THSD7A: variants seen among roughly 807,000 people sequenced by gnomAD.
The protein encoded by THSD7A is thrombospondin type 1 domain containing 7A.
A neutral mutation model predicts 231.3 loss-of-function variants in THSD7A; 96 were observed. That is an observed-to-expected ratio of 0.41 (90% CI 0.35 to 0.49). THSD7A has a LOEUF of 0.49. Among genes scored for constraint, THSD7A ranks in the 20% least tolerant of loss-of-function variants. THSD7A has a pLI of 0.05. For synonymous variants in THSD7A, 940 were observed against 743.3 expected (o/e 1.26, Z -4.30); for missense variants, 2,290 against 2,070.2 (o/e 1.11, Z -2.06).
intron 13 of THSD7A, among the ~76,000 whole-genome samples, chr7:11,436,080 C>T (rs1229751990): frequency 1.3e-5 from 2 of 152,046 alleles, no homozygotes; most frequent in South Asian, 4.1e-4. Context: ...CATACTAAGG[C>T]ATTTATTGAC....
In THSD7A at chr7:11,708,587, A is replaced by G. The variant is rs1311038331; in HGVS notation, c.191-71626T>C. On this transcript the variant is annotated intron_variant, in intron 1 of 27. Coordinates refer to ENST00000423059, the MANE Select transcript of THSD7A (RefSeq NM_015204.3). Reference sequence around the variant, plus strand: ...GGAATTAGGTTTTCTCTGCTGTAACATGTAAATTTTTGAGTAGATTATCTT... The same window carrying G: ...GGAATTAGGTTTTCTCTGCTGTAACGTGTAAATTTTTGAGTAGATTATCTT... 2.7e-5 allele frequency among the ~76,000 whole-genome samples: 4 copies of G among 150,892 alleles called. No individual in the cohort carries two copies. In the South Asian group the frequency reaches 6.2e-4, roughly 23 times the overall value.
intron 9 of THSD7A, among the ~76,000 whole-genome samples, chr7:11,465,105 C>T (rs1785647466): frequency 6.6e-6 from 1 of 152,102 alleles, no homozygotes; most frequent in Non-Finnish European, 1.5e-5. Context: ...TGTTTCTATT[C>T]ATCTGTGTGT....
rs145505165 is a variant in THSD7A, at chr7:11,654,769, G to A, written c.191-17808C>T. 1.6e-3 allele frequency among the ~76,000 whole-genome samples: 240 copies of A among 151,822 alleles called. 1 individual carries two copies. Among genetic ancestry groups the A allele is most frequent in the Non-Finnish European group, 2.0e-3 (139 of 67,872 alleles). On this transcript the variant is annotated intron_variant, in intron 1 of 27. Coordinates refer to ENST00000423059, the MANE Select transcript of THSD7A (RefSeq NM_015204.3). ...TGCAGATGAATAATACATGTCTTTC[G>A]CTTGATTGAAAAATCACAGTAAGGA...
intron 1 of THSD7A, among the ~76,000 whole-genome samples, chr7:11,651,883 A>T (rs1364106349): frequency 6.6e-6 from 1 of 152,022 alleles, no homozygotes; most frequent in African/African-American, 2.4e-5. Flanking sequence ...TGATGACATT[A>T]TATTATCAAT....
chr7:11,639,663 G>A (rs1000135968), intron 1 of THSD7A, among the ~76,000 whole-genome samples: 15 of 147,052 alleles, frequency 1.0e-4, no homozygotes, highest in Non-Finnish European at 1.7e-4. Context: ...TTGAGACTCC[G>A]TCTCAAAAAA....
chr7:11,626,759 A>G (rs890477631), intron 2 of THSD7A, among the ~76,000 whole-genome samples: 1 of 152,146 alleles, frequency 6.6e-6, no homozygotes, highest in Non-Finnish European at 1.5e-5. Context: ...TACATTTATG[A>G]TATTAATAAT....
chr7:11,385,197 C>T (rs879787958), intron 23 of THSD7A: 4 of 150,228 alleles, frequency 2.7e-5, no homozygotes, highest in Non-Finnish European at 3.0e-5. Context: ...TCCAAACAGT[C>T]GTCTATAAAT....
chr7:11,778,360 C>T (rs773604331), intron 1 of THSD7A, among the ~76,000 whole-genome samples: 2 of 152,036 alleles, frequency 1.3e-5, no homozygotes, highest in South Asian at 2.1e-4. Context: ...AATTGTTTCT[C>T]GCCATATAAA....
At chr7:11,825,683 A>C (rs748174232) in intron 1 of THSD7A, among the ~76,000 whole-genome samples, 12 of 152,280 alleles carry the variant, frequency 7.9e-5, no homozygotes, top group Non-Finnish European at 1.6e-4. Flanking sequence ...ACCCCTATAG[A>C]ATGCATCCCA....
chr7:11,694,689 C>G (rs990794011), intron 1 of THSD7A, among the ~76,000 whole-genome samples: 2 of 151,488 alleles, frequency 1.3e-5, no homozygotes, highest in East Asian at 3.9e-4. Flanking sequence ...TTCTGGTTCA[C>G]CTCTTGGATG....
intron 1 of THSD7A, among the ~76,000 whole-genome samples, chr7:11,817,124 T>C (rs1784726437): frequency 6.6e-6 from 1 of 152,220 alleles, no homozygotes; most frequent in South Asian, 2.1e-4. Context: ...GAACCACGTA[T>C]ATTGACATGT....
chr7:11,545,532 G>A (rs1789343211), intron 4 of THSD7A, among the ~76,000 whole-genome samples: 1 of 152,134 alleles, frequency 6.6e-6, no homozygotes, highest in Non-Finnish European at 1.5e-5. Context: ...CATTGAAGGT[G>A]GACAGAGGGA....
At chr7:11,752,648 G>T (rs1400446927) in intron 1 of THSD7A, among the ~76,000 whole-genome samples, 2 of 151,954 alleles carry the variant, frequency 1.3e-5, no homozygotes, top group Admixed American at 6.6e-5. Flanking sequence ...CATCTCAGTG[G>T]CTCACACCTT....
chr7:11,522,107 C>T (rs1417396122), intron 6 of THSD7A, among the ~76,000 whole-genome samples: 1 of 152,066 alleles, frequency 6.6e-6, no homozygotes, highest in East Asian at 1.9e-4. Flanking sequence ...ATTTTGATAG[C>T]ATCATTCATG....
chr7:11,719,907 C>G (rs1781286987), intron 1 of THSD7A, among the ~76,000 whole-genome samples: 1 of 151,694 alleles, frequency 6.6e-6, no homozygotes, highest in Admixed American at 6.6e-5. Flanking sequence ...AAAGGATGAA[C>G]CGTTCTACTT....
chr7:11,372,773 A>C lies in THSD7A; in HGVS notation c.*3021T>G, dbSNP rs1307184542. On this transcript the variant is annotated 3_prime_UTR_variant, in exon 28 of 28. Coordinates refer to ENST00000423059, the MANE Select transcript of THSD7A (RefSeq NM_015204.3). The stretch of plus-strand genomic sequence containing the variant: ...AAGTTACTACTATATTCCCCTCCCA[A>C]ATTTTTAGAAGGAACAGTAAAAATA... 1 of 152,012 alleles carries C rather than the reference A, an allele frequency of 6.6e-6. No individual in the cohort carries two copies. The highest frequency in any genetic ancestry group is 2.4e-5 in the African/African-American group (1 of 41,418). 9.4% of individuals were successfully genotyped at this position (152,012 alleles called of 1,614,324 possible).
chr7:11,389,184 A>G (rs1349613097), intron 23 of THSD7A, among the ~76,000 whole-genome samples: 1 of 151,988 alleles, frequency 6.6e-6, no homozygotes, highest in Non-Finnish European at 1.5e-5. Flanking sequence ...TGTCATGTTG[A>G]TCAGTCTATT....
At chr7:11,549,637 T>C (rs1194042000) in intron 4 of THSD7A, among the ~76,000 whole-genome samples, 6 of 152,086 alleles carry the variant, frequency 3.9e-5, no homozygotes, top group African/African-American at 1.4e-4. Context: ...GGGACATGGA[T>C]GGAGCTGGAA....
chr7:11,738,208 A>G (rs1226808202), intron 1 of THSD7A, among the ~76,000 whole-genome samples: 1 of 151,990 alleles, frequency 6.6e-6, no homozygotes, highest in African/African-American at 2.4e-5. Context: ...TATTGGCACT[A>G]TATTGATTGA....
Sources: allele counts gnomAD v4.1 joint callset (sites outside exome capture counted in the v4.1 genomes callset), GRCh38; gene constraint gnomAD v4.1.1; transcripts MANE v1.5; gene names NCBI Gene and HGNC (gene_info 2026-07-23, HGNC 2026-07-21).